Variants in PLCG2 observed in about 807,000 individuals in gnomAD.
PLCG2 encodes 1-phosphatidylinositol 4,5-bisphosphate phosphodiesterase gamma-2.
PLCG2 carries 69 observed loss-of-function variants against 175.6 expected under a neutral mutation model. That is an observed-to-expected ratio of 0.39 (90% CI 0.32 to 0.48). PLCG2 has a LOEUF of 0.48. Among genes scored for constraint, PLCG2 ranks in the 20% least tolerant of loss-of-function variants. PLCG2 has a pLI of 0.91. For synonymous variants in PLCG2, 827 were observed against 624.0 expected (o/e 1.33, Z -4.85); for missense variants, 1,798 against 1,650.9 (o/e 1.09, Z -1.54).
At chr16:81,950,954 G>GGAT (rs1184556150) in intron 31 of PLCG2, among the ~76,000 whole-genome samples, 2 of 151,144 alleles carry the variant, frequency 1.3e-5, no homozygotes, top group Non-Finnish European at 3.0e-5. Context: ...AAAAATAAAA[G>GGAT]GATAAAAAGA....
chr16:81,883,288 G>T lies in PLCG2; in HGVS notation c.712G>T (p.Ala238Ser). Reference protein sequence around the residue: ...FILGNTDRPDASAVYLHDFQR... With the variant: ...FILGNTDRPDSSAVYLHDFQR... ...GGATAGGAACACTGACAGGCCGGAT[G>T]CCTCTGCTGTTTACCTGCATGACTT... The change falls in exon 9 of 33, where the codon GCC becomes TCC. Residue 238 changes from alanine to serine, a missense_variant. Transcript: ENST00000564138. 6.2e-7 allele frequency: 1 copy of T among 1,614,144 alleles called. No individual in the cohort carries two copies. The highest frequency in any genetic ancestry group is 8.5e-7 in the Non-Finnish European group (1 of 1,179,978).
At position 81,936,276 on chromosome 16, in the gene PLCG2, C is replaced by T. The variant is rs1910709205; in HGVS notation, c.2950C>T (p.Arg984Cys). The T allele has an allele frequency of 1.2e-6, 2 of 1,614,046 alleles. No individual in the cohort carries two copies. Among genetic ancestry groups the T allele is most frequent in the Non-Finnish European group, 1.7e-6 (2 of 1,180,028 alleles). Residue 984 changes from arginine to cysteine, a missense_variant, in exon 27 of 33, where the codon CGC becomes TGC. Transcript: ENST00000564138. ...GAAGTACAATCAAAAGGGCCTGACC[C>T]GCGTCTACCCAAAGGGACAAAGAGT... ...LLKYNQKGLT[R>C]VYPKGQRVDS...
chr16:81,931,680 G>T, intron 25 of PLCG2, 26 bp downstream of exon 25: 1 of 1,606,556 alleles, frequency 6.2e-7, no homozygotes, highest in Non-Finnish European at 8.5e-7. Context: ...CCCGGGTGCA[G>T]GTGGGCCTGG....
intron 9 of PLCG2, among the ~76,000 whole-genome samples, chr16:81,886,943 C>G (rs1038190640): frequency 2.0e-5 from 3 of 152,140 alleles, no homozygotes; most frequent in East Asian, 1.9e-4. Flanking sequence ...TTTATAACCC[C>G]TAGAATATTG....
intron 2 of PLCG2, among the ~76,000 whole-genome samples, chr16:81,802,539 T>G (rs934860245): frequency 2.0e-5 from 3 of 152,176 alleles, no homozygotes; most frequent in African/African-American, 7.2e-5. Flanking sequence ...CTTCTCTTGA[T>G]GAGGAACCTA....
At chr16:81,936,469 G>C (rs1347424032) in intron 27 of PLCG2, 91 bp downstream of exon 27, 1 of 998,688 alleles carries the variant, frequency 1.0e-6, no homozygotes, top group Non-Finnish European at 1.6e-6. Context: ...ATACCATGTG[G>C]TGTCCAAGAA....
intron 32 of PLCG2, among the ~76,000 whole-genome samples, chr16:81,957,347 T>C (rs1911616357): frequency 6.6e-6 from 1 of 152,212 alleles, no homozygotes; most frequent in African/African-American, 2.4e-5. Context: ...CCCTTGACTC[T>C]AGTTCTCTTT....
intron 6 of PLCG2, among the ~76,000 whole-genome samples, chr16:81,869,695 C>A (rs1907420639): frequency 6.6e-6 from 1 of 152,166 alleles, no homozygotes; most frequent in South Asian, 2.1e-4. Flanking sequence ...ATTTTGTATG[C>A]AAGTCCTGGT....
intron 27 of PLCG2, chr16:81,937,474 T>A (rs1430649400): frequency 3.6e-6 from 1 of 277,842 alleles, no homozygotes; most frequent in Non-Finnish European, 6.8e-6. Flanking sequence ...GTCATTTGAA[T>A]TAAAATTGCC....
intron 2 of PLCG2, among the ~76,000 whole-genome samples, chr16:81,788,289 T>C (rs1199512539): frequency 6.6e-6 from 1 of 152,190 alleles, no homozygotes; most frequent in East Asian, 1.9e-4. Flanking sequence ...ATGGCATATA[T>C]ATATTTTAAT....
rs76248538 is a variant in PLCG2 at position 81,800,370 on chromosome 16, C to G, written c.193+14188C>G. Reference sequence around the variant, plus strand: ...TTCTGATGCTCTCCTCCATCCTTACCCTGCTCCCCAACAGGCCCTGGTGTG... The same window carrying G: ...TTCTGATGCTCTCCTCCATCCTTACGCTGCTCCCCAACAGGCCCTGGTGTG... On this transcript the variant is annotated intron_variant, in intron 2 of 32. Coordinates refer to ENST00000564138, the MANE Select transcript of PLCG2 (RefSeq NM_002661.5). Among the ~76,000 whole-genome samples the G allele has an allele frequency of 4.1e-3, 626 of 152,248 alleles. 6 individuals carry two copies. The highest frequency in any genetic ancestry group is 0.017 in the Middle Eastern group (5 of 294).
chr16:81,788,261 A>C (rs933634748), intron 2 of PLCG2, among the ~76,000 whole-genome samples: 1 of 152,104 alleles, frequency 6.6e-6, no homozygotes, highest in Non-Finnish European at 1.5e-5. Context: ...CTGAAGGTTT[A>C]TTTCTGAGCT....
chr16:81,905,455 A>G lies in PLCG2; in HGVS notation c.1415A>G (p.Lys472Arg). The change falls in exon 15 of 33, where the codon AAG becomes AGG. Residue 472 changes from lysine to arginine, a missense_variant. Physicochemically the swap from Lys to Arg is conservative, Grantham distance 26. Transcript: ENST00000564138. ...GDVDVNMEDK[K>R]DEHKQQGELY... ...GTGGATGTCAACATGGAGGACAAGA[A>G]GGACGAACACAAGCAACAGGGGGAG... 1 of 1,614,194 alleles carries G rather than the reference A, an allele frequency of 6.2e-7. No individual in the cohort carries two copies. Among genetic ancestry groups the G allele is most frequent in the Non-Finnish European group, 8.5e-7 (1 of 1,180,008 alleles).
intron 14 of PLCG2, among the ~76,000 whole-genome samples, chr16:81,901,926 AG>A (rs1466236320): frequency 6.6e-6 from 1 of 152,240 alleles, no homozygotes; most frequent in Non-Finnish European, 1.5e-5. Flanking sequence ...TTCTGAGAAA[AG>A]GGTCTGTAGC....
chr16:81,742,314 C>A (rs1909613335), intron 1 of PLCG2, among the ~76,000 whole-genome samples: 1 of 152,112 alleles, frequency 6.6e-6, no homozygotes, highest in South Asian at 2.1e-4. Flanking sequence ...AGGCAGTGCT[C>A]AAGGAAGGGC....
chr16:81,921,532 C>T (rs890671799), intron 21 of PLCG2: 1 of 468,844 alleles, frequency 2.1e-6, no homozygotes, highest in African/African-American at 2.0e-5. Context: ...GGCCAAATGG[C>T]TTCTAATGAA....
chr16:81,838,062 C>T (rs1905617201), intron 2 of PLCG2, among the ~76,000 whole-genome samples: 1 of 149,134 alleles, frequency 6.7e-6, no homozygotes, highest in South Asian at 2.1e-4. Flanking sequence ...TTTAACATGT[C>T]TGTCTTTGAA....
chr16:81,935,267 T>TATTA (rs1910660045), intron 26 of PLCG2, among the ~76,000 whole-genome samples: 1 of 152,162 alleles, frequency 6.6e-6, no homozygotes, highest in Non-Finnish European at 1.5e-5. Context: ...TCTGCTTCCC[T>TATTA]ATTATAAGGA....
At chr16:81,937,675 T>G in intron 27 of PLCG2, 83 bp from the exon 28 acceptor site, 1 of 1,217,768 alleles carries the variant, frequency 8.2e-7, no homozygotes, top group Non-Finnish European at 1.2e-6. Flanking sequence ...AAGGTGAAAT[T>G]CATTCCCCAC....
Sources: allele counts gnomAD v4.1 joint callset (sites outside exome capture counted in the v4.1 genomes callset), GRCh38; gene constraint gnomAD v4.1.1; transcripts MANE v1.5; gene names NCBI Gene and HGNC (gene_info 2026-07-23, HGNC 2026-07-21).